HDAC9: variants seen among roughly 807,000 people sequenced by gnomAD.
HDAC9 encodes the protein MEF-2 interacting transcription repressor (MITR) protein.
Under a neutral mutation model 139.4 loss-of-function variants are expected in HDAC9, and 41 were observed. That is an observed-to-expected ratio of 0.29 (90% confidence interval 0.23 to 0.38). The LOEUF (loss-of-function observed/expected upper bound fraction) is 0.38, where lower values mean the gene tolerates loss of function less well. HDAC9 is among the 10% of genes least tolerant of loss of function. The pLI is 1.00. For missense variants in HDAC9, 1,147 were observed against 1,297.0 expected, an observed-to-expected ratio of 0.88 and a Z score of 1.78; for synonymous variants, 517 against 476.2, an observed-to-expected ratio of 1.09 and a Z score of -1.12.
intron 5 of HDAC9, among the ~76,000 whole-genome samples, chr7:18,593,597 GC>G (rs1831605344): frequency 6.6e-6 from 1 of 152,080 alleles, no homozygotes; most frequent in Non-Finnish European, 1.5e-5. Context: ...CCCTAGGGTG[GC>G]TCTTAAGAGA....
chr7:18,189,920 GGTGTGT>G (rs35060071), intron 2 of HDAC9, among the ~76,000 whole-genome samples: 20 of 145,154 alleles, frequency 1.4e-4, no homozygotes, highest in South Asian at 4.4e-4. Flanking sequence ...ACTTGTGTGT[GGTGTGT>G]GTGTGTGTGT....
At chr7:18,095,216 C>A (rs996621794) in intron 1 of HDAC9, among the ~76,000 whole-genome samples, 1 of 151,980 alleles carries the variant, frequency 6.6e-6, no homozygotes, top group Admixed American at 6.6e-5. Flanking sequence ...GTGATGCTTC[C>A]CCTGATTACT....
intron 8 of HDAC9, among the ~76,000 whole-genome samples, chr7:18,639,642 T>C (rs957135207): frequency 6.6e-6 from 1 of 152,048 alleles, no homozygotes; most frequent in Non-Finnish European, 1.5e-5. Flanking sequence ...ATAAATACAA[T>C]CTTGAAAAAT....
intron 2 of HDAC9, among the ~76,000 whole-genome samples, chr7:18,228,015 A>G (rs1408655746): frequency 1.3e-5 from 2 of 152,160 alleles, no homozygotes; most frequent in Non-Finnish European, 2.9e-5. Context: ...TTGCATTTCT[A>G]TCCAGAATAA....
chr7:18,210,093 T>C (rs1200312694), intron 2 of HDAC9, among the ~76,000 whole-genome samples: 1 of 152,194 alleles, frequency 6.6e-6, no homozygotes, highest in African/African-American at 2.4e-5. Flanking sequence ...GTAAACCTTT[T>C]GTCTGAAATA....
At chr7:18,109,603 C>CT (rs142992222) in intron 1 of HDAC9, among the ~76,000 whole-genome samples, 30,349 of 147,526 alleles carry the variant, frequency 0.21, 3,134 homozygotes, top group East Asian at 0.34. Context: ...ATAAATAAAC[C>CT]TTTTTTTTTT....
chr7:18,726,975 A>G (rs1785598699), intron 12 of HDAC9, among the ~76,000 whole-genome samples: 1 of 152,156 alleles, frequency 6.6e-6, no homozygotes, highest in Admixed American at 6.5e-5. Flanking sequence ...ATTTAATAGT[A>G]TATTAAAAAC....
intron 12 of HDAC9, among the ~76,000 whole-genome samples, chr7:18,725,788 A>G (rs1785498498): frequency 6.6e-6 from 1 of 152,156 alleles, no homozygotes; most frequent in African/African-American, 2.4e-5. Context: ...ATGAGGAAGG[A>G]CTATATTAAT....
intron 11 of HDAC9, among the ~76,000 whole-genome samples, chr7:18,662,227 A>G (rs1165118772): frequency 6.6e-6 from 1 of 152,070 alleles, no homozygotes; most frequent in South Asian, 2.1e-4. Context: ...GCTGCCACCT[A>G]TTAATATCAT....
chr7:18,557,039 G>A (rs936690165), intron 2 of HDAC9, among the ~76,000 whole-genome samples: 5 of 151,994 alleles, frequency 3.3e-5, no homozygotes, highest in African/African-American at 1.2e-4. Context: ...CCTGGTGACA[G>A]TTTATTAGGG....
intron 1 of HDAC9, among the ~76,000 whole-genome samples, chr7:18,128,655 T>C (rs1784821085): frequency 6.6e-6 from 1 of 152,096 alleles, no homozygotes; most frequent in African/African-American, 2.4e-5. Context: ...CAGTCAGCCA[T>C]GCACTTAGAT....
chr7:18,795,134 G>C (rs935937803), intron 17 of HDAC9, among the ~76,000 whole-genome samples: 12 of 151,726 alleles, frequency 7.9e-5, no homozygotes, highest in African/African-American at 2.9e-4. Context: ...CATAGTATGG[G>C]CATGCTGACC....
At chr7:18,101,527 A>T (rs757821758) in intron 1 of HDAC9, among the ~76,000 whole-genome samples, 1 of 152,194 alleles carries the variant, frequency 6.6e-6, no homozygotes, top group Non-Finnish European at 1.5e-5. Flanking sequence ...TTTCTCTTCC[A>T]TGTAAAACCT....
intron 2 of HDAC9, among the ~76,000 whole-genome samples, chr7:18,202,057 T>G (rs1791173007): frequency 6.6e-6 from 1 of 152,236 alleles, no homozygotes; most frequent in Non-Finnish European, 1.5e-5. Context: ...CCTCTCTGTT[T>G]ACATCTTTGT....
chr7:18,964,606 A>G (rs1472447658), intron 24 of HDAC9, among the ~76,000 whole-genome samples: 2 of 152,230 alleles, frequency 1.3e-5, no homozygotes, highest in Non-Finnish European at 2.9e-5. Context: ...TTATAAAGAA[A>G]AGAGATTTAA....
At chr7:18,206,930 C>CTTTTTTT (rs58248823) in intron 2 of HDAC9, among the ~76,000 whole-genome samples, 5 of 124,548 alleles carry the variant, frequency 4.0e-5, no homozygotes, top group Non-Finnish European at 5.1e-5. Context: ...GATATCTTTT[C>CTTTTTTT]TTTTTTTTTT....
chr7:18,290,433 G>A (rs1797730743), exon 1 of HDAC9: 3 of 455,604 alleles, frequency 6.6e-6, no homozygotes, highest in South Asian at 3.1e-5. Flanking sequence ...ATATTATAAC[G>A]GATACAGAAA....
intron 1 of HDAC9, among the ~76,000 whole-genome samples, chr7:18,294,834 GC>G (rs1349256788): frequency 9.9e-5 from 15 of 152,112 alleles, no homozygotes; most frequent in African/African-American, 3.6e-4. Flanking sequence ...AAAAATGATG[GC>G]CACTTGGATT....
intron 16 of HDAC9, among the ~76,000 whole-genome samples, chr7:18,775,537 A>G (rs1335970621): frequency 3.9e-5 from 6 of 152,180 alleles, no homozygotes; most frequent in African/African-American, 1.2e-4. Context: ...TTGCTGCTAA[A>G]TAGATTACTT....
Sources: gnomAD v4.1 joint callset for allele counts (sites outside exome capture counted in the v4.1 genomes callset) on GRCh38, gnomAD v4.1.1 for gene constraint, MANE v1.5 for transcripts, NCBI Gene and HGNC (gene_info 2026-07-23, HGNC 2026-07-21) for gene names.